The following TTC28 variants were observed in gnomAD, a reference collection of about 807,000 sequenced individuals.
The protein encoded by TTC28 is tetratricopeptide repeat domain 28.
Under a neutral mutation model 198.0 loss-of-function variants are expected in TTC28, and 61 were observed. The ratio of observed to expected loss-of-function variants is 0.31; its 90% CI spans 0.25 to 0.38. The LOEUF (loss-of-function observed/expected upper bound fraction) is 0.38, where lower values mean the gene tolerates loss of function less well. Among genes scored for constraint, TTC28 ranks in the 10% least tolerant of loss-of-function variants. The probability of loss-of-function intolerance (pLI) is 1.00; values close to 1 mark genes in which losing one functional copy is unlikely to be tolerated. For synonymous variants in TTC28, 1,171 were observed against 1,297.8 expected (o/e 0.90, Z 2.10); for missense variants, 2,678 against 3,164.0 (o/e 0.85, Z 3.69).
chr22:28,472,546 ATGTGTATGTG>A (rs1326141484), intron 2 of TTC28, among the ~76,000 whole-genome samples: 145 of 89,016 alleles, frequency 1.6e-3, no homozygotes, highest in Non-Finnish European at 2.1e-3. Flanking sequence ...CAAAAAGAAA[ATGTGTATGTG>A]TGTGTGTGTG....
chr22:28,328,045 C>T (rs2045558744), intron 2 of TTC28, among the ~76,000 whole-genome samples: 1 of 152,000 alleles, frequency 6.6e-6, no homozygotes, highest in Admixed American at 6.6e-5. Context: ...GGAGTAAACA[C>T]ACAGTTAATA....
At chr22:28,461,197 A>G (rs1340298319) in intron 2 of TTC28, among the ~76,000 whole-genome samples, 1 of 152,178 alleles carries the variant, frequency 6.6e-6, no homozygotes, top group Non-Finnish European at 1.5e-5. Context: ...CAGAATGTCT[A>G]TTGTTTCATC....
chr22:28,284,566 C>A (rs2044644533), intron 5 of TTC28, among the ~76,000 whole-genome samples: 1 of 151,850 alleles, frequency 6.6e-6, no homozygotes, highest in African/African-American at 2.4e-5. Flanking sequence ...AAACAATCAA[C>A]AAAATGAAAA....
chr22:28,504,156 T>A (rs933907718), intron 2 of TTC28, among the ~76,000 whole-genome samples: 29 of 152,196 alleles, frequency 1.9e-4, no homozygotes, highest in African/African-American at 6.3e-4. Flanking sequence ...AGGAAAAAAA[T>A]TATTTTCTCT....
At chr22:28,009,937 ATTTAC>A (rs1260178981) in intron 14 of TTC28, among the ~76,000 whole-genome samples, 1 of 152,192 alleles carries the variant, frequency 6.6e-6, no homozygotes, top group Non-Finnish European at 1.5e-5. Flanking sequence ...TGCTCTGATG[ATTTAC>A]TTTAATACCT....
intron 12 of TTC28, among the ~76,000 whole-genome samples, chr22:28,032,745 C>T (rs987763699): frequency 6.6e-6 from 1 of 152,106 alleles, no homozygotes; most frequent in Admixed American, 6.6e-5. Context: ...CCTCCCCCTC[C>T]CCCTAAAAGG....
At chr22:28,090,239 T>C (rs149497703) in intron 12 of TTC28, among the ~76,000 whole-genome samples, 2 of 152,060 alleles carry the variant, frequency 1.3e-5, no homozygotes, top group Admixed American at 6.5e-5. Flanking sequence ...CACTAAAATA[T>C]AGCCTAGTCT....
intron 12 of TTC28, among the ~76,000 whole-genome samples, chr22:28,080,531 T>TTTG (rs144270652): frequency 2.6e-3 from 390 of 152,006 alleles, no homozygotes; most frequent in Admixed American, 4.0e-3. Context: ...TAAATTGGAT[T>TTTG]TTGTTGTTGT....
chr22:28,288,791 C>T lies in TTC28; in HGVS notation c.933+7407G>A, dbSNP rs1384572907. Among the ~76,000 whole-genome samples the T allele has an allele frequency of 4.2e-5, 6 of 144,200 alleles. 1 individual carries two copies. The East Asian group carries it at 8.1e-4, about 20-fold the overall frequency. The allele number at this position is 144,200 out of a possible 152,430, so 94.6% of individuals were successfully genotyped here. A position where few individuals can be genotyped will look rare whatever the true frequency, so the allele number is the denominator to read the frequency against. On this transcript the variant is annotated intron_variant, in intron 5 of 22. Coordinates refer to ENST00000397906, the MANE Select transcript of TTC28 (RefSeq NM_001145418.2). ...TCACGCTACTGCACTACAGCCTGGG[C>T]GACAGAGCGAGACTCCGTTTCAAAA...
Position 28,679,789 on chromosome 22 carries a change from T to A in TTC28, c.-66A>T, listed in dbSNP as rs2052065770. The A allele has an allele frequency of 4.7e-6, 4 of 854,912 alleles. No homozygotes were observed. The highest frequency in any genetic ancestry group is 4.6e-4 in the Middle Eastern group (1 of 2,194). The allele number at this position is 854,912 out of a possible 1,614,324, so 53.0% of individuals were successfully genotyped here. On this transcript the variant is annotated 5_prime_UTR_variant, in exon 1 of 23. Coordinates refer to ENST00000397906, the MANE Select transcript of TTC28 (RefSeq NM_001145418.2). ...CCCGCCAGCTAGGCGCGCGCGCCGG[T>A]TCCGCGCGCCATGTTCCCGCCGTGC...
At chr22:28,631,010 T>G (rs1402165355) in intron 1 of TTC28, among the ~76,000 whole-genome samples, 1 of 152,174 alleles carries the variant, frequency 6.6e-6, no homozygotes, top group African/African-American at 2.4e-5. Flanking sequence ...TCCCAGCTAC[T>G]CAAGATGCTG....
chr22:28,001,840 G>A, intron 14 of TTC28: 1 of 444,594 alleles, frequency 2.2e-6, no homozygotes, highest in East Asian at 3.6e-5. Flanking sequence ...ACCTGAAGTG[G>A]GTTGGAGACC....
At chr22:28,352,624 T>C (rs1327366338) in intron 2 of TTC28, among the ~76,000 whole-genome samples, 2 of 152,070 alleles carry the variant, frequency 1.3e-5, no homozygotes, top group Non-Finnish European at 2.9e-5. Flanking sequence ...GGTAGCCCAC[T>C]GATACCCCCT....
At chr22:28,572,465 GA>G in intron 2 of TTC28, among the ~76,000 whole-genome samples, 1 of 152,250 alleles carries the variant, frequency 6.6e-6, no homozygotes, top group Middle Eastern at 3.4e-3. Context: ...GATTGAAAAT[GA>G]ACAAATTATG....
At chr22:28,438,689 G>A (rs575488308) in intron 2 of TTC28, among the ~76,000 whole-genome samples, 15 of 152,286 alleles carry the variant, frequency 9.8e-5, no homozygotes, top group African/African-American at 3.1e-4. Flanking sequence ...AGCAGAAATA[G>A]CTTCAGAATT....
intron 5 of TTC28, among the ~76,000 whole-genome samples, chr22:28,259,004 A>T (rs1260276557): frequency 6.6e-6 from 1 of 152,056 alleles, no homozygotes; most frequent in Non-Finnish European, 1.5e-5. Flanking sequence ...TCAGGGAAAA[A>T]ATACAAAGGT....
chr22:28,184,525 C>T (rs1306118514), intron 5 of TTC28, among the ~76,000 whole-genome samples: 1 of 151,948 alleles, frequency 6.6e-6, no homozygotes, highest in Non-Finnish European at 1.5e-5. Flanking sequence ...AATATGTTCA[C>T]TGAAGAAAAA....
chr22:28,048,931 T>C (rs115601598), intron 12 of TTC28, among the ~76,000 whole-genome samples: 1,575 of 152,214 alleles, frequency 0.01, 31 homozygotes, highest in African/African-American at 0.035. Flanking sequence ...TCTAGAAAGC[T>C]TCCCCTGAAC....
chr22:28,086,756 T>C (rs1941618202), intron 12 of TTC28, among the ~76,000 whole-genome samples: 1 of 152,012 alleles, frequency 6.6e-6, no homozygotes, highest in South Asian at 2.1e-4. Context: ...ACAAAATTGA[T>C]AGACCACTAG....
Sources: allele counts gnomAD v4.1 joint callset (sites outside exome capture counted in the v4.1 genomes callset), GRCh38; gene constraint gnomAD v4.1.1; transcripts MANE v1.5; gene names NCBI Gene and HGNC (gene_info 2026-07-23, HGNC 2026-07-21).